CELF5: variants seen among roughly 807,000 people sequenced by gnomAD.
CELF5 encodes CUGBP Elav-like family member 5.
Under a neutral mutation model 54.9 loss-of-function variants are expected in CELF5, and 6 were observed. The ratio of observed to expected loss-of-function variants is 0.11; its 90% CI spans 0.06 to 0.22. The LOEUF (loss-of-function observed/expected upper bound fraction) is 0.22, where lower values mean the gene tolerates loss of function less well. Among genes scored for constraint, CELF5 ranks in the 10% least tolerant of loss-of-function variants. The probability of loss-of-function intolerance (pLI) is 1.00; values close to 1 mark genes in which losing one functional copy is unlikely to be tolerated. For synonymous variants in CELF5, 271 were observed against 290.9 expected, an observed-to-expected ratio of 0.93 and a Z score of 0.70; for missense variants, 401 against 678.6, an observed-to-expected ratio of 0.59 and a Z score of 4.54.
intron 1 of CELF5, among the ~76,000 whole-genome samples, chr19:3,229,264 T>C (rs12460941): frequency 6.6e-6 from 1 of 152,126 alleles, no homozygotes; most frequent in African/African-American, 2.4e-5. Context: ...GAGCTTGCTG[T>C]GTACCAGGCC....
intron 2 of CELF5, among the ~76,000 whole-genome samples, chr19:3,264,576 C>T (rs142212062): frequency 0.012 from 1,809 of 151,834 alleles, 12 homozygotes; most frequent in Middle Eastern, 0.021. Flanking sequence ...CCACCACGCC[C>T]GGCTAATGTT....
rs1295867801 is a variant in CELF5, at chr19:3,237,124, A to G, written c.259+12126A>G. 2.0e-5 allele frequency among the ~76,000 whole-genome samples: 3 copies of G among 151,780 alleles called. No homozygotes were observed. The South Asian group carries it at 6.3e-4, about 32-fold the overall frequency. On this transcript the variant is annotated intron_variant, in intron 1 of 12. Coordinates refer to ENST00000292672, the MANE Select transcript of CELF5 (RefSeq NM_021938.4). ...TCAGGAGATCGAGACCATCCTGGCT[A>G]ACACGGTGAAACCCCATCTCTACTA... is the stretch of plus-strand genomic sequence containing the variant.
intron 1 of CELF5, among the ~76,000 whole-genome samples, chr19:3,240,818 G>T (rs1259702684): frequency 6.6e-6 from 1 of 151,926 alleles, no homozygotes; most frequent in Non-Finnish European, 1.5e-5. Flanking sequence ...GGAGTGTCAG[G>T]CTCTGCCTCC....
intron 2 of CELF5, among the ~76,000 whole-genome samples, chr19:3,272,100 G>A (rs1007587402): frequency 2.6e-5 from 4 of 152,342 alleles, no homozygotes; most frequent in Non-Finnish European, 4.4e-5. Context: ...GGGTGCAGGG[G>A]CTCACGCCTG....
chr19:3,265,753 G>A (rs553000019), intron 2 of CELF5, among the ~76,000 whole-genome samples: 6 of 152,168 alleles, frequency 3.9e-5, no homozygotes, highest in Admixed American at 2.0e-4. Flanking sequence ...CAGCCCAGGC[G>A]GCTGCTCTAT....
At chr19:3,289,292 A>G (rs1833355599) in intron 10 of CELF5, among the ~76,000 whole-genome samples, 1 of 152,082 alleles carries the variant, frequency 6.6e-6, no homozygotes, top group African/African-American at 2.4e-5. Flanking sequence ...GCAGTGGCTC[A>G]CCCCTGTAAT....
rs2080386600 is a variant in CELF5, at chr19:3,293,528, C to G, written c.*40+42C>G. On this transcript the variant is annotated intron_variant, in intron 12 of 12. Transcript: ENST00000292672. ...CCCCACCCCCGCCCAAGCCCCCCGT[C>G]TTGTCTGAAACCCCCTCCCGCGGCC... 5 of 1,516,220 alleles carry G rather than the reference C, an allele frequency of 3.3e-6. No homozygotes were observed. In the East Asian group the frequency reaches 9.3e-5, roughly 28 times the overall value. The allele number at this position is 1,516,220 out of a possible 1,614,324, so 93.9% of individuals were successfully genotyped here.
At chr19:3,238,399 G>A (rs1196669632) in intron 1 of CELF5, among the ~76,000 whole-genome samples, 2 of 152,132 alleles carry the variant, frequency 1.3e-5, no homozygotes, top group South Asian at 4.1e-4. Flanking sequence ...ACCTGGGTTT[G>A]TTGTCCCAGG....
At chr19:3,257,417 C>T (rs11669985) in intron 2 of CELF5, among the ~76,000 whole-genome samples, 1 of 151,996 alleles carries the variant, frequency 6.6e-6, no homozygotes, top group Non-Finnish European at 1.5e-5. Context: ...GACCAGGGGA[C>T]AGTAGCAACC....
intron 2 of CELF5, among the ~76,000 whole-genome samples, chr19:3,267,691 C>T (rs1344846485): frequency 6.6e-6 from 1 of 152,200 alleles, no homozygotes; most frequent in African/African-American, 2.4e-5. Flanking sequence ...AGCCACCCTG[C>T]TGCTCATCTG....
At chr19:3,248,010 C>T (rs764810890) in intron 1 of CELF5, among the ~76,000 whole-genome samples, 12 of 152,200 alleles carry the variant, frequency 7.9e-5, no homozygotes, top group South Asian at 6.2e-4. Flanking sequence ...GATGATCCAC[C>T]GGCCTCTGCC....
At chr19:3,250,402 T>A (rs952952522) in intron 1 of CELF5, among the ~76,000 whole-genome samples, 2 of 152,084 alleles carry the variant, frequency 1.3e-5, no homozygotes, top group Non-Finnish European at 2.9e-5. Context: ...GGCAGGAGAA[T>A]GACGTGAACC....
chr19:3,284,257 G>A (rs1048494685), intron 8 of CELF5, among the ~76,000 whole-genome samples: 2 of 152,004 alleles, frequency 1.3e-5, no homozygotes, highest in Non-Finnish European at 2.9e-5. Flanking sequence ...CCACAGTGAA[G>A]ATACAGAACT....
rs528618840 is a variant in CELF5 at position 3,228,107 on chromosome 19, AAGAGAGAG to A, written c.259+3123_259+3130del. 4.0e-5 allele frequency among the ~76,000 whole-genome samples: 6 copies of A among 149,180 alleles called. No individual in the cohort carries two copies. Among genetic ancestry groups the A allele is most frequent in the East Asian group, 2.0e-4 (1 of 5,114 alleles). ...GCCCTGGGGCGCTGGGTTTGTTTTT[AAGAGAGAG>A]AGAGAGAGAGAGATGAGGACACAGA... On this transcript the variant is annotated intron_variant, in intron 1 of 12. Coordinates refer to ENST00000292672, the MANE Select transcript of CELF5 (RefSeq NM_021938.4). This position sits in a 1 kb window ranked among gnomAD's most constrained non-coding sequence, Gnocchi z 6.0.
At chr19:3,225,070 C>A in intron 1 of CELF5, 72 bp downstream of exon 1, 2 of 1,019,814 alleles carry the variant, frequency 2.0e-6, no homozygotes, top group Non-Finnish European at 2.7e-6. Context: ...ATCTTCTCTC[C>A]CCCATCACCA....
chr19:3,227,624 G>A (rs919800958), intron 1 of CELF5, among the ~76,000 whole-genome samples: 1 of 152,080 alleles, frequency 6.6e-6, no homozygotes, highest in African/African-American at 2.4e-5. Flanking sequence ...GGGTCAGCTG[G>A]TACCACCTCT....
intron 3 of CELF5, among the ~76,000 whole-genome samples, 180 bp downstream of exon 3, chr19:3,274,103 G>A (rs2080009444): frequency 6.6e-6 from 1 of 152,188 alleles, no homozygotes; most frequent in African/African-American, 2.4e-5. Context: ...CTTTTGGTGG[G>A]GGGAGAAGCA....
rs2080468248 is a variant in CELF5, at chr19:3,297,037, A to C, written c.*320A>C. 3 of 146,714 alleles carry C rather than the reference A, an allele frequency of 2.0e-5. No individual in the cohort carries two copies. Among genetic ancestry groups the C allele is most frequent in the Admixed American group, 2.0e-4 (3 of 14,708 alleles). 9.1% of individuals were successfully genotyped at this position (146,714 alleles called of 1,614,324 possible). A position where few individuals can be genotyped will look rare whatever the true frequency, so the allele number is the denominator to read the frequency against. On this transcript the variant is annotated 3_prime_UTR_variant, in exon 13 of 13. Transcript: ENST00000292672. ...TGGAGAAAAAAAAAAAAAAAAAAAA[A>C]CAACTAAAAATTTATTTAATAAAAG... is the stretch of plus-strand genomic sequence containing the variant.
intron 2 of CELF5, chr19:3,270,492 G>C (rs1033662380): frequency 6.6e-6 from 1 of 150,570 alleles, no homozygotes; most frequent in African/African-American, 2.4e-5. Flanking sequence ...CGCCTGGCAC[G>C]CCTCCTCCCG....
Sources: allele counts gnomAD v4.1 joint callset (sites outside exome capture counted in the v4.1 genomes callset), GRCh38; gene constraint gnomAD v4.1.1; non-coding constraint Gnocchi (gnomAD v3.1); transcripts MANE v1.5; gene names NCBI Gene and HGNC (gene_info 2026-07-23, HGNC 2026-07-21).